Variants in PNPT1 observed in about 807,000 individuals in gnomAD.
The protein encoded by PNPT1 is polyribonucleotide nucleotidyltransferase 1, also known as polyribonucleotide nucleotidyltransferase 1, mitochondrial.
In PNPT1, 53 loss-of-function variants were observed where a neutral mutation model predicts 119.5. That is an observed-to-expected ratio of 0.44 (90% CI 0.36 to 0.56). The LOEUF is 0.56. Ranked by LOEUF, PNPT1 falls within the 20% of genes least tolerant of loss-of-function variation. PNPT1 has a pLI of 0.00. For synonymous variants in PNPT1, 357 were observed against 322.1 expected (o/e 1.11, Z -1.16); for missense variants, 948 against 938.5 (o/e 1.01, Z -0.13).
At chr2:55,645,774 T>G (rs1695977935) in intron 21 of PNPT1, among the ~76,000 whole-genome samples, 3 of 151,784 alleles carry the variant, frequency 2.0e-5, no homozygotes, top group African/African-American at 7.2e-5. Context: ...CAAGCAATCT[T>G]CCTGCCTTGG....
rs574792108 is a variant in PNPT1, at chr2:55,668,505, T to C, written c.977-547A>G. 2.6e-5 allele frequency among the ~76,000 whole-genome samples: 4 copies of C among 152,346 alleles called. No homozygotes were observed. The East Asian group carries it at 7.7e-4, about 29-fold the overall frequency. On this transcript the variant is annotated intron_variant, in intron 11 of 27. Transcript: ENST00000447944. ...TGTCTGCCTTGGCCTCGCAAAGTGC[T>C]AGGATTACAGGCGTGAGCCAATGCG...
At chr2:55,659,028 T>C (rs1046951069) in intron 15 of PNPT1, among the ~76,000 whole-genome samples, 1 of 152,180 alleles carries the variant, frequency 6.6e-6, no homozygotes, top group African/African-American at 2.4e-5. Flanking sequence ...GATAATGGCT[T>C]GCTGCATTCT....
chr2:55,662,093 T>G (rs1051807579), intron 13 of PNPT1, 67 bp from the exon 14 acceptor site: 5 of 1,329,038 alleles, frequency 3.8e-6, no homozygotes, highest in Admixed American at 6.3e-5. Flanking sequence ...TAAAAATACT[T>G]GAAGAATCCA....
rs1407603296 is a variant in PNPT1 at position 55,636,029 on chromosome 2, C to A, written c.*208G>T. The A allele has an allele frequency of 3.0e-5, 9 of 304,150 alleles. No individual in the cohort carries two copies. Among genetic ancestry groups the A allele is most frequent in the East Asian group, 2.8e-4 (5 of 18,078 alleles). 18.8% of individuals were successfully genotyped at this position (304,150 alleles called of 1,614,324 possible). On this transcript the variant is annotated 3_prime_UTR_variant, in exon 28 of 28. Transcript: ENST00000447944. Reference sequence around the variant, plus strand: ...GACTTACTTTTAATAATAAATATTTCTTGATTTATAATGTAAATACAATTA... The same window carrying A: ...GACTTACTTTTAATAATAAATATTTATTGATTTATAATGTAAATACAATTA...
chr2:55,689,440 C>T (rs1697521989), intron 1 of PNPT1, among the ~76,000 whole-genome samples: 1 of 152,144 alleles, frequency 6.6e-6, no homozygotes. Flanking sequence ...TAATAGTTCC[C>T]AAATGGAAAC....
In PNPT1 at chr2:55,634,434, G is replaced by A. The variant is rs1695602030; in HGVS notation, c.*1803C>T. The A allele has an allele frequency of 6.6e-6, 1 of 151,606 alleles. No homozygotes were observed. Among genetic ancestry groups the A allele is most frequent in the South Asian group, 2.1e-4 (1 of 4,784 alleles). The allele number at this position is 151,606 out of a possible 1,614,324, so 9.4% of individuals were successfully genotyped here. Reference sequence around the variant, plus strand: ...CTGCCACCATGCCCAGCTAATTTTTGTATTTTTAGTAGAGATGGGGTTTTA... The same window carrying A: ...CTGCCACCATGCCCAGCTAATTTTTATATTTTTAGTAGAGATGGGGTTTTA... On this transcript the variant is annotated 3_prime_UTR_variant, in exon 28 of 28. Transcript: ENST00000447944.
rs972043340 is a variant in PNPT1, at chr2:55,662,382, T to TA, written c.1177-357dup. On this transcript the variant is annotated intron_variant, in intron 13 of 27. Transcript: ENST00000447944. ...GCCAATACAACTGCCTGCTTAAAAT[T>TA]AAAAAAAAATCAGGCCAGGCGTGGT... Among the ~76,000 whole-genome samples the TA allele has an allele frequency of 7.1e-4, 107 of 151,298 alleles. 1 individual carries two copies. Among genetic ancestry groups the TA allele is most frequent in the Middle Eastern group, 3.4e-3 (1 of 292 alleles).
chr2:55,648,436 C>A (rs1031266168), intron 18 of PNPT1, among the ~76,000 whole-genome samples: 1 of 152,196 alleles, frequency 6.6e-6, no homozygotes, highest in Admixed American at 6.5e-5. Flanking sequence ...AAAGACATAG[C>A]ATTTTAAACT....
At chr2:55,693,311 C>G (rs1697681427) in intron 1 of PNPT1, among the ~76,000 whole-genome samples, 1 of 152,148 alleles carries the variant, frequency 6.6e-6, no homozygotes, top group African/African-American at 2.4e-5. Context: ...GGGCCAGCAT[C>G]CCGGGGGGCC....
chr2:55,684,503 A>G (rs1293342200), intron 4 of PNPT1, among the ~76,000 whole-genome samples: 1 of 152,230 alleles, frequency 6.6e-6, no homozygotes, highest in Non-Finnish European at 1.5e-5. Context: ...TATAAATTAC[A>G]TATGATCCCA....
In PNPT1 at chr2:55,650,433, G is replaced by C. The variant is rs555398739; in HGVS notation, c.1496-2980C>G. Among the ~76,000 whole-genome samples the C allele has an allele frequency of 5.3e-5, 8 of 152,284 alleles. No individual in the cohort carries two copies. In the South Asian group the frequency reaches 1.4e-3, roughly 28 times the overall value. Reference sequence around the variant, plus strand: ...GTGCCGGGATTGCAGACGGAGTCTCGTTCACTCCATGCTCAATGGTGCCCA... The same window carrying C: ...GTGCCGGGATTGCAGACGGAGTCTCCTTCACTCCATGCTCAATGGTGCCCA... On this transcript the variant is annotated intron_variant, in intron 18 of 27. Transcript: ENST00000447944.
At chr2:55,643,259 CA>C in intron 24 of PNPT1, 46 bp from the exon 25 acceptor site, 1 of 1,613,356 alleles carries the variant, frequency 6.2e-7, no homozygotes, top group South Asian at 1.1e-5. Flanking sequence ...AAAACATCAA[CA>C]AAAAGTAGAA....
chr2:55,683,731 C>A, intron 5 of PNPT1, 54 bp downstream of exon 5: 1 of 1,462,624 alleles, frequency 6.8e-7, no homozygotes, highest in Non-Finnish European at 9.5e-7. Flanking sequence ...TACAGAGATT[C>A]ATTAAGTAAT....
chr2:55,640,287 A>G (rs7588076), intron 26 of PNPT1, among the ~76,000 whole-genome samples: 38 of 152,122 alleles, frequency 2.5e-4, no homozygotes, highest in African/African-American at 8.4e-4. Flanking sequence ...CCGAGTAGCT[A>G]AGACTACATG....
chr2:55,679,151 T>C (rs1427824372), intron 8 of PNPT1, among the ~76,000 whole-genome samples: 3 of 152,204 alleles, frequency 2.0e-5, no homozygotes, highest in African/African-American at 7.2e-5. Flanking sequence ...ATGACATTTC[T>C]GTCACAAGGA....
chr2:55,672,561 A>G (rs1158816294), intron 9 of PNPT1, among the ~76,000 whole-genome samples: 1 of 152,186 alleles, frequency 6.6e-6, no homozygotes, highest in African/African-American at 2.4e-5. Flanking sequence ...ATTACCTCTG[A>G]TTTCTTTTTG....
chr2:55,677,853 C>A (rs1373676338), intron 8 of PNPT1, among the ~76,000 whole-genome samples: 1 of 151,896 alleles, frequency 6.6e-6, no homozygotes, highest in African/African-American at 2.4e-5. Flanking sequence ...CATTCTCCTG[C>A]CTCAGCCTCC....
chr2:55,672,688 G>C (rs1002424017), intron 9 of PNPT1, among the ~76,000 whole-genome samples: 1 of 152,200 alleles, frequency 6.6e-6, no homozygotes, highest in Non-Finnish European at 1.5e-5. Context: ...TCTTTCATTT[G>C]AGATTCAAAG....
intron 25 of PNPT1, among the ~76,000 whole-genome samples, chr2:55,642,375 G>A (rs1695858361): frequency 6.6e-6 from 1 of 151,796 alleles, no homozygotes; most frequent in Non-Finnish European, 1.5e-5. Flanking sequence ...GGGAGGCCGA[G>A]GGGGGCGGAT....
Sources: allele counts gnomAD v4.1 joint callset (sites outside exome capture counted in the v4.1 genomes callset), GRCh38; gene constraint gnomAD v4.1.1; transcripts MANE v1.5; gene names NCBI Gene and HGNC (gene_info 2026-07-23, HGNC 2026-07-21).